RABGAP1: variants seen among roughly 807,000 people sequenced by gnomAD.
The protein encoded by RABGAP1 is RAB GTPase activating protein 1, also known as rab GTPase-activating protein 1.
A neutral mutation model predicts 137.6 loss-of-function variants in RABGAP1; 23 were observed. The observed-to-expected ratio is 0.17, with a 90% CI of 0.12 to 0.24. The LOEUF (loss-of-function observed/expected upper bound fraction) is 0.24. Among genes scored for constraint, RABGAP1 ranks in the 10% least tolerant of loss-of-function variants. The pLI is 1.00. For synonymous variants in RABGAP1, 451 were observed against 450.7 expected (o/e 1.00, Z -0.01); for missense variants, 906 against 1,275.8 (o/e 0.71, Z 4.42).
intron 13 of RABGAP1, among the ~76,000 whole-genome samples, chr9:123,061,677 T>A (rs142627611): frequency 1.3e-3 from 193 of 152,242 alleles, no homozygotes; most frequent in African/African-American, 4.2e-3. Flanking sequence ...CAAAACCAGT[T>A]GATCAAACAA....
intron 13 of RABGAP1, among the ~76,000 whole-genome samples, chr9:123,032,561 G>C (rs889526255): frequency 1.6e-4 from 25 of 152,156 alleles, no homozygotes; most frequent in African/African-American, 6.0e-4. Flanking sequence ...CCATTTGTCT[G>C]TAATTAGAAA....
chr9:122,932,412 T>C, the RABGAP1 span, among the ~76,000 whole-genome samples: 1 of 152,190 alleles, frequency 6.6e-6, no homozygotes, highest in East Asian at 1.9e-4. Context: ...TGTAGTTATT[T>C]ACAACTATAC....
At chr9:122,974,665 A>T (rs1835674331) in intron 2 of RABGAP1, among the ~76,000 whole-genome samples, 1 of 152,108 alleles carries the variant, frequency 6.6e-6, no homozygotes, top group South Asian at 2.1e-4. Context: ...ACCCATCCAT[A>T]ATCCCATTAC....
chr9:123,097,001 A>C (rs1383674954), intron 21 of RABGAP1, among the ~76,000 whole-genome samples: 1 of 152,240 alleles, frequency 6.6e-6, no homozygotes, highest in Non-Finnish European at 1.5e-5. Flanking sequence ...AATTTCAGGG[A>C]AATCCTATCC....
chr9:123,015,916 A>T (rs2031191249), intron 12 of RABGAP1, among the ~76,000 whole-genome samples: 2 of 152,144 alleles, frequency 1.3e-5, no homozygotes, highest in Non-Finnish European at 2.9e-5. Context: ...TATGTTGAAG[A>T]GGTTAGGAAC....
At chr9:122,987,784 G>C (rs1006092846) in intron 4 of RABGAP1, among the ~76,000 whole-genome samples, 1 of 152,048 alleles carries the variant, frequency 6.6e-6, no homozygotes. Flanking sequence ...TTAGACTTCT[G>C]TTGATTTCCT....
intron 19 of RABGAP1, among the ~76,000 whole-genome samples, chr9:123,085,585 A>C (rs1184432011): frequency 6.6e-6 from 1 of 152,226 alleles, no homozygotes; most frequent in African/African-American, 2.4e-5. Flanking sequence ...GTGATTTCCA[A>C]AGCCTTCTGA....
At position 123,103,317 on chromosome 9, in the gene RABGAP1, C is replaced by A; in HGVS notation, c.*104C>A. 6.6e-7 allele frequency: 1 copy of A among 1,517,494 alleles called. No individual in the cohort carries two copies. The highest frequency in any genetic ancestry group is 8.9e-7 in the Non-Finnish European group (1 of 1,124,168). 94.0% of individuals were successfully genotyped at this position (1,517,494 alleles called of 1,614,324 possible). A position where few individuals can be genotyped will look rare whatever the true frequency, so the allele number is the denominator to read the frequency against. Reference sequence around the variant, plus strand: ...GACTTGTCCCAGGACCAGAATGTACCTAAGTCAGATCCATAGACGCATGTT... The same window carrying A: ...GACTTGTCCCAGGACCAGAATGTACATAAGTCAGATCCATAGACGCATGTT... On this transcript the variant is annotated 3_prime_UTR_variant, in exon 26 of 26. Transcript: ENST00000373647.
chr9:123,039,180 A>G (rs1275240372), intron 13 of RABGAP1, among the ~76,000 whole-genome samples: 4 of 152,200 alleles, frequency 2.6e-5, no homozygotes, highest in African/African-American at 9.6e-5. Context: ...GCTCAATGCT[A>G]CACCACTACT....
chr9:123,052,714 G>A (rs2033537719), intron 13 of RABGAP1, among the ~76,000 whole-genome samples: 1 of 152,220 alleles, frequency 6.6e-6, no homozygotes, highest in Non-Finnish European at 1.5e-5. Flanking sequence ...CAGATCACTT[G>A]AGGCTAGGAG....
chr9:122,933,982 G>T, the RABGAP1 span, among the ~76,000 whole-genome samples: 1 of 151,912 alleles, frequency 6.6e-6, no homozygotes, highest in African/African-American at 2.4e-5. Flanking sequence ...TCCTCAGGCT[G>T]CTCTTGGACT....
chr9:123,074,157 C>G, intron 16 of RABGAP1, 128 bp from the exon 17 acceptor site: 1 of 1,133,098 alleles, frequency 8.8e-7, no homozygotes, highest in Non-Finnish European at 1.3e-6. Flanking sequence ...GTTCTAAGCA[C>G]TTTGGAGATT....
intron 6 of RABGAP1, among the ~76,000 whole-genome samples, chr9:122,992,903 C>G (rs905732367): frequency 2.6e-5 from 4 of 151,274 alleles, no homozygotes; most frequent in Admixed American, 1.3e-4. Flanking sequence ...TGTATGAAAT[C>G]CTAGCAAAAT....
At chr9:123,059,465 G>A (rs2033879640) in intron 13 of RABGAP1, among the ~76,000 whole-genome samples, 1 of 152,334 alleles carries the variant, frequency 6.6e-6, no homozygotes, top group Non-Finnish European at 1.5e-5. Flanking sequence ...TGAGGCAGGA[G>A]AATGGCGTGA....
chr9:123,087,621 T>TC, intron 19 of RABGAP1, among the ~76,000 whole-genome samples: 1 of 152,230 alleles, frequency 6.6e-6, no homozygotes, highest in Non-Finnish European at 1.5e-5. Flanking sequence ...GATGTCCTGC[T>TC]CCAGTTTGTG....
intron 13 of RABGAP1, among the ~76,000 whole-genome samples, chr9:123,043,011 G>A (rs2033025956): frequency 6.6e-6 from 1 of 152,064 alleles, no homozygotes; most frequent in African/African-American, 2.4e-5. Context: ...AGAAGATAAT[G>A]GGTAATAGCT....
At chr9:123,088,515 C>T (rs1026680169) in intron 19 of RABGAP1, among the ~76,000 whole-genome samples, 2 of 152,138 alleles carry the variant, frequency 1.3e-5, no homozygotes, top group African/African-American at 4.8e-5. Context: ...CATAGCAAAA[C>T]TCCATCCCTA....
intron 4 of RABGAP1, among the ~76,000 whole-genome samples, chr9:122,987,290 G>T (rs1836423021): frequency 6.6e-6 from 1 of 152,162 alleles, no homozygotes. Flanking sequence ...TCAGATGAAT[G>T]CAGGTAAAAT....
intron 1 of RABGAP1, among the ~76,000 whole-genome samples, chr9:122,949,061 T>C (rs1428355608): frequency 1.3e-5 from 2 of 152,176 alleles, no homozygotes; most frequent in East Asian, 3.9e-4. Flanking sequence ...ATGAATGGAT[T>C]GATCAATATA....
Sources: gnomAD v4.1 joint callset for allele counts (sites outside exome capture counted in the v4.1 genomes callset) on GRCh38, gnomAD v4.1.1 for gene constraint, MANE v1.5 for transcripts, NCBI Gene and HGNC (gene_info 2026-07-23, HGNC 2026-07-21) for gene names.